FSTL4: variants seen among roughly 807,000 people sequenced by gnomAD.
FSTL4 encodes the protein follistatin-related protein 4.
Under a neutral mutation model 78.2 loss-of-function variants are expected in FSTL4, and 28 were observed. The ratio of observed to expected loss-of-function variants is 0.36; its 90% CI spans 0.27 to 0.49. FSTL4 has a LOEUF of 0.49. Among genes scored for constraint, FSTL4 ranks in the 20% least tolerant of loss-of-function variants. The pLI, the probability that FSTL4 is intolerant of heterozygous loss-of-function variation, is 0.98. For synonymous variants in FSTL4, 422 were observed against 440.5 expected, an observed-to-expected ratio of 0.96 and a Z score of 0.53; for missense variants, 922 against 1,084.9, an observed-to-expected ratio of 0.85 and a Z score of 2.11.
intron 3 of FSTL4, among the ~76,000 whole-genome samples, chr5:133,473,820 G>C: frequency 6.6e-6 from 1 of 152,280 alleles, no homozygotes; most frequent in East Asian, 1.9e-4. Flanking sequence ...TGGCAGGAGA[G>C]ACAATGAGTG....
intron 3 of FSTL4, among the ~76,000 whole-genome samples, chr5:133,494,147 C>T (rs1462518190): frequency 6.6e-6 from 1 of 152,108 alleles, no homozygotes; most frequent in African/African-American, 2.4e-5. Flanking sequence ...GTTATGGATA[C>T]TGAGGAACAG....
the FSTL4 span, among the ~76,000 whole-genome samples, chr5:133,727,390 A>T: frequency 1.3e-5 from 2 of 152,192 alleles, no homozygotes; most frequent in Non-Finnish European, 2.9e-5. Flanking sequence ...ATTCTTGCTG[A>T]AGCTGTATCT....
At chr5:133,543,007 T>A (rs999542793) in intron 3 of FSTL4, among the ~76,000 whole-genome samples, 1 of 152,150 alleles carries the variant, frequency 6.6e-6, no homozygotes, top group Admixed American at 6.6e-5. Flanking sequence ...TTTACTCTGC[T>A]ACTCTTTTCC....
In FSTL4 at chr5:133,225,377, C is replaced by G; in HGVS notation, c.1178-93G>C. Reference sequence around the variant, plus strand: ...CATTGAGAGTGTTAGGGCTGCCCAGCCCCTGGGCAGCCAGCAGCCCTGATT... The same window carrying G: ...CATTGAGAGTGTTAGGGCTGCCCAGGCCCTGGGCAGCCAGCAGCCCTGATT... On this transcript the variant is annotated intron_variant, in intron 9 of 15. Coordinates refer to ENST00000265342, the MANE Select transcript of FSTL4 (RefSeq NM_015082.2). The surrounding 1 kb of genome is among the most constrained non-coding windows in gnomAD (Gnocchi z 4.6). 8 of 1,459,998 alleles carry G rather than the reference C, an allele frequency of 5.5e-6. No homozygotes were observed. The highest frequency in any genetic ancestry group is 6.6e-6 in the Non-Finnish European group (7 of 1,056,324). The allele number at this position is 1,459,998 out of a possible 1,614,324, so 90.4% of individuals were successfully genotyped here. A position where few individuals can be genotyped will look rare whatever the true frequency, so the allele number is the denominator to read the frequency against.
the FSTL4 span, among the ~76,000 whole-genome samples, chr5:133,679,152 C>T: frequency 6.6e-6 from 1 of 152,136 alleles, no homozygotes; most frequent in Non-Finnish European, 1.5e-5. Context: ...CAGCAACATG[C>T]ATGCAACATT....
chr5:133,762,173 T>C, the FSTL4 span, among the ~76,000 whole-genome samples: 1 of 152,254 alleles, frequency 6.6e-6, no homozygotes, highest in African/African-American at 2.4e-5. Flanking sequence ...AACCTAAATC[T>C]TCAGGTTGGA....
chr5:133,322,423 C>G (rs763424527), intron 4 of FSTL4, among the ~76,000 whole-genome samples: 1 of 152,172 alleles, frequency 6.6e-6, no homozygotes, highest in Non-Finnish European at 1.5e-5. Context: ...TGGGCTCCCC[C>G]AAAGCAGTCC....
chr5:133,736,345 C>A, the FSTL4 span, among the ~76,000 whole-genome samples: 1 of 152,142 alleles, frequency 6.6e-6, no homozygotes, highest in Non-Finnish European at 1.5e-5. Context: ...CAACCCACTC[C>A]CATGGATACC....
intron 1 of FSTL4, among the ~76,000 whole-genome samples, chr5:133,607,737 C>G (rs1270927681): frequency 1.3e-5 from 2 of 152,192 alleles, no homozygotes; most frequent in Non-Finnish European, 2.9e-5. Context: ...CTCCTTTCCT[C>G]TGAAAGCTGC....
chr5:133,487,323 T>C (rs1034089647), intron 3 of FSTL4, among the ~76,000 whole-genome samples: 1 of 152,214 alleles, frequency 6.6e-6, no homozygotes, highest in African/African-American at 2.4e-5. Flanking sequence ...AAGGTGCCTG[T>C]GACGTATGTT....
chr5:133,824,609 T>C, the FSTL4 span, among the ~76,000 whole-genome samples: 1 of 152,150 alleles, frequency 6.6e-6, no homozygotes, highest in South Asian at 2.1e-4. Context: ...CTCAGCTCCA[T>C]CAGAGAAGTA....
rs1391293106 is a variant in FSTL4 at position 133,426,077 on chromosome 5, CAG to C, written c.161-25093_161-25092del. Among the ~76,000 whole-genome samples, 1 of 152,184 alleles carries C rather than the reference CAG, an allele frequency of 6.6e-6. No homozygotes were observed. The highest frequency in any genetic ancestry group is 1.5e-5 in the Non-Finnish European group (1 of 68,030). On this transcript the variant is annotated intron_variant, in intron 3 of 15. Coordinates refer to ENST00000265342, the MANE Select transcript of FSTL4 (RefSeq NM_015082.2). The surrounding 1 kb of genome is among the most constrained non-coding windows in gnomAD (Gnocchi z 5.0). ...CACATATGGGGAGCTGGAAGTGGAC[CAG>C]TCTTGACTTCCTCTGTAGCTTTCAC...
chr5:133,434,243 T>C (rs1756997099), intron 3 of FSTL4, among the ~76,000 whole-genome samples: 1 of 152,122 alleles, frequency 6.6e-6, no homozygotes, highest in Non-Finnish European at 1.5e-5. Flanking sequence ...CTTGGTTTGA[T>C]GGATTAGATG....
intron 3 of FSTL4, among the ~76,000 whole-genome samples, chr5:133,507,949 G>T (rs150682469): frequency 1.9e-4 from 29 of 152,302 alleles, no homozygotes; most frequent in African/African-American, 5.5e-4. Context: ...TACAGTCACA[G>T]ATTGCTTAAT....
chr5:133,670,808 C>T, the FSTL4 span, among the ~76,000 whole-genome samples: 2 of 152,274 alleles, frequency 1.3e-5, no homozygotes, highest in South Asian at 2.1e-4. Context: ...GGAGTGAGTA[C>T]ATTTTGCGTG....
chr5:133,829,472 G>A, the FSTL4 span, among the ~76,000 whole-genome samples: 5 of 152,150 alleles, frequency 3.3e-5, no homozygotes, highest in Non-Finnish European at 7.4e-5. Context: ...TTCCTTCCCT[G>A]TGCCCTGCTC....
At chr5:133,705,869 G>GCGCGCACACA in the FSTL4 span, among the ~76,000 whole-genome samples, 38 of 147,892 alleles carry the variant, frequency 2.6e-4, no homozygotes, top group African/African-American at 9.1e-4. Flanking sequence ...ACACACACAC[G>GCGCGCACACA]CACACACACA....
chr5:133,201,901 A>C, intron 15 of FSTL4, 32 bp downstream of exon 15: 1 of 1,249,732 alleles, frequency 8.0e-7, no homozygotes, highest in Non-Finnish European at 1.1e-6. Context: ...TGGAGCGGGG[A>C]GTGCCTTAGA....
chr5:133,797,835 G>A, the FSTL4 span, among the ~76,000 whole-genome samples: 4 of 152,154 alleles, frequency 2.6e-5, no homozygotes, highest in Non-Finnish European at 5.9e-5. Context: ...CCCCAAACAT[G>A]TCCTGAGGTC....
Sources: allele counts gnomAD v4.1 joint callset (sites outside exome capture counted in the v4.1 genomes callset), GRCh38; gene constraint gnomAD v4.1.1; non-coding constraint Gnocchi (gnomAD v3.1); transcripts MANE v1.5; gene names NCBI Gene and HGNC (gene_info 2026-07-23, HGNC 2026-07-21).